Variants in GSE1 observed in about 807,000 individuals in gnomAD.
GSE1 encodes Gse1 coiled-coil protein, also known as genetic suppressor element 1.
In GSE1, 32 loss-of-function variants were observed where a neutral mutation model predicts 112.6. The ratio of observed to expected loss-of-function variants is 0.28; its 90% CI spans 0.21 to 0.38. The LOEUF is 0.38. Ranked by LOEUF, GSE1 falls within the 10% of genes least tolerant of loss-of-function variation. GSE1 has a pLI of 1.00. For missense variants in GSE1, 2,348 were observed against 1,699.2 expected (o/e 1.38, Z -6.71); for synonymous variants, 1,115 against 735.6 (o/e 1.52, Z -8.35).
chr16:85,525,064 G>A (rs370841029), intron 2 of GSE1, among the ~76,000 whole-genome samples: 59 of 152,284 alleles, frequency 3.9e-4, no homozygotes, highest in Admixed American at 2.8e-3. Flanking sequence ...ATCGGCCCTC[G>A]TGGTTGCGTC....
intron 1 of GSE1, among the ~76,000 whole-genome samples, chr16:85,570,380 G>A (rs570917940): frequency 6.6e-5 from 10 of 152,330 alleles, no homozygotes; most frequent in African/African-American, 2.4e-4. Context: ...GGCTTTGGGG[G>A]TTCCCGCAAG....
intron 1 of GSE1, chr16:85,583,596 A>C (rs974689075): frequency 6.6e-6 from 1 of 151,684 alleles, no homozygotes; most frequent in African/African-American, 2.4e-5. Context: ...TTCGCACGCA[A>C]ACTCACACAC....
intron 1 of GSE1, among the ~76,000 whole-genome samples, chr16:85,604,653 G>C (rs1250935927): frequency 1.5e-5 from 2 of 136,648 alleles, no homozygotes; most frequent in African/African-American, 5.6e-5. Context: ...TTCTGAGGCG[G>C]GAGGATCCTT....
rs557186266 is a variant in GSE1 at position 85,202,871 on chromosome 16, A to T, written c.2283+31064A>T. 4.4e-3 allele frequency among the ~76,000 whole-genome samples: 670 copies of T among 152,246 alleles called. 5 individuals are homozygous for T. The highest frequency in any genetic ancestry group is 0.016 in the African/African-American group (649 of 41,544). On this transcript the variant is annotated intron_variant, in intron 1 of 2. Coordinates refer to the GSE1 transcript ENST00000637419. ...GGGCCTTGTCCTGCGCTCGCCCTGG[A>T]GACAGGCTGTGGGCCTCCTGGCTGT...
intron 1 of GSE1, among the ~76,000 whole-genome samples, chr16:85,348,528 A>C (rs2046789757): frequency 6.6e-6 from 1 of 151,970 alleles, no homozygotes; most frequent in African/African-American, 2.4e-5. Context: ...TGTCCACTTG[A>C]TCTTGGCCAC....
chr16:85,585,492 G>A (rs750770719), intron 1 of GSE1, among the ~76,000 whole-genome samples: 4 of 125,220 alleles, frequency 3.2e-5, no homozygotes, highest in Non-Finnish European at 5.9e-5. Context: ...TGTCGCCTAC[G>A]TTTCTCCAAA....
chr16:85,220,139 G>A (rs904524325), intron 1 of GSE1, among the ~76,000 whole-genome samples: 2 of 152,210 alleles, frequency 1.3e-5, no homozygotes, highest in Non-Finnish European at 2.9e-5. Flanking sequence ...CAAGGAGCAC[G>A]GGGAAATCCC....
At chr16:85,553,430 G>A (rs2045034102), upstream of GSE1, among the ~76,000 whole-genome samples, 2 of 151,786 alleles carry the variant, frequency 1.3e-5, no homozygotes, top group African/African-American at 4.8e-5. Flanking sequence ...GGAGCAGCCA[G>A]AGGTTGGCGG....
chr16:85,611,235 T>TCGTC (rs1026797929), upstream of GSE1, among the ~76,000 whole-genome samples: 1 of 151,876 alleles, frequency 6.6e-6, no homozygotes, highest in African/African-American at 2.4e-5. Context: ...GGGCCAGTCG[T>TCGTC]CGTCCATTCC....
chr16:85,316,132 G>A (rs1000612456), intron 1 of GSE1, among the ~76,000 whole-genome samples: 1 of 152,224 alleles, frequency 6.6e-6, no homozygotes, highest in South Asian at 2.1e-4. Context: ...TAGCAGCCAC[G>A]AGCTCCCTGA....
intron 2 of GSE1, among the ~76,000 whole-genome samples, chr16:85,361,385 A>C (rs1202707500): frequency 8.3e-5 from 11 of 133,150 alleles, no homozygotes; most frequent in African/African-American, 2.0e-4. Flanking sequence ...AGACCCCCCC[A>C]CACACAAACA....
At chr16:85,658,675 T>G (rs1200504639) in intron 8 of GSE1, among the ~76,000 whole-genome samples, 1 of 152,210 alleles carries the variant, frequency 6.6e-6, no homozygotes, top group African/African-American at 2.4e-5. Context: ...AGATCCCTTC[T>G]GCCTCTCCCA....
chr16:85,565,793 T>G (rs12935457), intron 1 of GSE1, among the ~76,000 whole-genome samples: 68,712 of 152,044 alleles, frequency 0.45, 17,607 homozygotes, highest in East Asian at 0.74. Context: ...TGAGAGAAGG[T>G]GTGAGAAGAA....
At chr16:85,646,450 G>A (rs2050877894) in intron 2 of GSE1, among the ~76,000 whole-genome samples, 1 of 152,246 alleles carries the variant, frequency 6.6e-6, no homozygotes, top group South Asian at 2.1e-4. Context: ...GGGTGGACAT[G>A]TGCCTGCTCC....
chr16:85,424,312 G>A (rs1018970163), intron 2 of GSE1, among the ~76,000 whole-genome samples: 3 of 152,240 alleles, frequency 2.0e-5, no homozygotes, highest in Admixed American at 1.3e-4. Context: ...GGTTCTTGGC[G>A]ACGGCAGGGT....
At chr16:85,383,084 C>G (rs749006453) in intron 2 of GSE1, among the ~76,000 whole-genome samples, 53 of 151,648 alleles carry the variant, frequency 3.5e-4, no homozygotes, top group Admixed American at 1.5e-3. Context: ...TAATCACAGC[C>G]TTAGTGCACA....
chr16:85,646,785 C>A lies in GSE1; in HGVS notation c.227-1767C>A, dbSNP rs183034288. ...TCGTCAGGCTGGGCAGGGCTCTTGA[C>A]CCCCAGGCAGCAGAGCTTCTGGAAC... is the stretch of plus-strand genomic sequence containing the variant. On this transcript the variant is annotated intron_variant, in intron 2 of 15. Transcript: ENST00000253458. Among the ~76,000 whole-genome samples the A allele has an allele frequency of 3.3e-3, 497 of 152,186 alleles. 2 individuals are homozygous for A. Among genetic ancestry groups the A allele is most frequent in the African/African-American group, 0.011 (466 of 41,520 alleles).
chr16:85,365,529 C>T (rs1156658287), intron 2 of GSE1, among the ~76,000 whole-genome samples: 3 of 152,226 alleles, frequency 2.0e-5, no homozygotes, highest in Non-Finnish European at 4.4e-5. Flanking sequence ...GGTTCAGCCC[C>T]TCAACCTGAG....
Position 85,373,947 on chromosome 16 carries a change from C to T in GSE1, c.2464+16304C>T, listed in dbSNP as rs966687983. On this transcript the variant is annotated intron_variant, in intron 2 of 2. Transcript: ENST00000637419. The surrounding 1 kb of genome is among the most constrained non-coding windows in gnomAD (Gnocchi z 5.1). ...CTCCCCGCAGGCCCTGTCAGGTCAG[C>T]GGCGCCTTATCCATCGCCCCACGGT... 3.3e-5 allele frequency among the ~76,000 whole-genome samples: 5 copies of T among 152,126 alleles called. No homozygotes were observed. Among genetic ancestry groups the T allele is most frequent in the South Asian group, 2.1e-4 (1 of 4,822 alleles).
Sources: allele counts gnomAD v4.1 joint callset (sites outside exome capture counted in the v4.1 genomes callset), GRCh38; gene constraint gnomAD v4.1.1; non-coding constraint Gnocchi (gnomAD v3.1); transcripts MANE v1.5; gene names NCBI Gene and HGNC (gene_info 2026-07-23, HGNC 2026-07-21).